Variants in WDR5 observed in about 807,000 individuals in gnomAD.
WDR5 encodes WD repeat domain 5.
For synonymous variants in WDR5, 144 were observed against 161.6 expected, an observed-to-expected ratio of 0.89 and a Z score of 0.83; for missense variants, 187 against 416.9, an observed-to-expected ratio of 0.45 and a Z score of 4.80.
rs1014184749 is a variant in WDR5, at chr9:134,158,587, T to A, written c.*594T>A. The A allele has an allele frequency of 4.6e-5, 7 of 151,686 alleles. No individual in the cohort carries two copies. The highest frequency in any genetic ancestry group is 1.7e-4 in the African/African-American group (7 of 41,336). The allele number at this position is 151,686 out of a possible 1,614,324, so 9.4% of individuals were successfully genotyped here. On this transcript the variant is annotated 3_prime_UTR_variant, in exon 14 of 14. Coordinates refer to ENST00000358625, the MANE Select transcript of WDR5 (RefSeq NM_017588.3). The stretch of plus-strand genomic sequence containing the variant: ...GTGTCTTGGGAGTTTGTGGCCCACA[T>A]GCCGATAGCACGGTCATCGCACATG...
chr9:134,147,747 C>T (rs1455998134), intron 7 of WDR5, among the ~76,000 whole-genome samples: 1 of 152,160 alleles, frequency 6.6e-6, no homozygotes, highest in Non-Finnish European at 1.5e-5. Context: ...TGGCTGGGTG[C>T]AGTGGCTCAT....
At chr9:134,155,886 C>T (rs1832721725) in intron 12 of WDR5, 119 bp downstream of exon 12, 1 of 954,472 alleles carries the variant, frequency 1.0e-6, no homozygotes, top group Non-Finnish European at 1.6e-6. Flanking sequence ...AAATGAATTT[C>T]CATTTCAACC....
At chr9:134,141,468 T>G in intron 3 of WDR5, 42 bp from the exon 4 acceptor site, 15 of 1,601,114 alleles carry the variant, frequency 9.4e-6, no homozygotes, top group Non-Finnish European at 1.3e-5. Context: ...ACTAGACAAT[T>G]GTGTCCTGCT....
chr9:134,147,068 G>C (rs1832247197), intron 7 of WDR5, among the ~76,000 whole-genome samples: 1 of 152,108 alleles, frequency 6.6e-6, no homozygotes, highest in Non-Finnish European at 1.5e-5. Flanking sequence ...CACAAAAAAA[G>C]AAAGTAAAGT....
intron 1 of WDR5, among the ~76,000 whole-genome samples, chr9:134,137,368 G>C (rs1831618358): frequency 6.6e-6 from 1 of 152,134 alleles, no homozygotes; most frequent in African/African-American, 2.4e-5. Flanking sequence ...GTTCCACAGA[G>C]ACACCTGAGT....
At position 134,136,210 on chromosome 9, in the gene WDR5, C is replaced by A. The variant is rs1239730051; in HGVS notation, c.-59+10C>A. 2 of 147,982 alleles carry A rather than the reference C, an allele frequency of 1.4e-5. No individual in the cohort carries two copies. Among genetic ancestry groups the A allele is most frequent in the African/African-American group, 4.9e-5 (2 of 41,016 alleles). 9.2% of individuals were successfully genotyped at this position (147,982 alleles called of 1,614,324 possible). On this transcript the variant is annotated intron_variant, in intron 1 of 13. Transcript: ENST00000358625. ...CGCCGCGGCCCGGCAGGTAAGCGGG[C>A]AGCCGCCCGGCCCGGGGAACACAAG...
Position 134,142,053 on chromosome 9 carries a change from G to A in WDR5, c.354+15G>A. ...ACGTGAGCTCGGTAAGTGACACTCA[G>A]TGCTTCTCTCCAGGGGAGACCGGCT... On this transcript the variant is annotated intron_variant, in intron 5 of 13. Transcript: ENST00000358625. 1 of 1,612,698 alleles carries A rather than the reference G, an allele frequency of 6.2e-7. No homozygotes were observed. Among genetic ancestry groups the A allele is most frequent in the Non-Finnish European group, 8.5e-7 (1 of 1,178,966 alleles).
intron 7 of WDR5, among the ~76,000 whole-genome samples, chr9:134,145,116 T>TG (rs1554726634): frequency 2.9e-4 from 41 of 143,446 alleles, no homozygotes; most frequent in African/African-American, 1.1e-3. Context: ...TTTTTTTTTT[T>TG]GAAACAGAAT....
chr9:134,150,438 TACTG>T (rs1241242387), intron 8 of WDR5, among the ~76,000 whole-genome samples: 2 of 152,194 alleles, frequency 1.3e-5, no homozygotes, highest in African/African-American at 2.4e-5. Context: ...GTTGACCACT[TACTG>T]GTAACTAATA....
chr9:134,154,459 A>T lies in WDR5; in HGVS notation c.632-7A>T. ...CGCCGTGTGTCACCTGTCCGTTTTT[A>T]TTGCAGATGACGACAACCCCCCCGT... On this transcript the variant is annotated splice_polypyrimidine_tract_variant and splice_region_variant and intron_variant, in intron 9 of 13. Coordinates refer to ENST00000358625, the MANE Select transcript of WDR5 (RefSeq NM_017588.3). The T allele has an allele frequency of 6.2e-7, 1 of 1,614,050 alleles. No individual in the cohort carries two copies. Among genetic ancestry groups the T allele is most frequent in the Non-Finnish European group, 8.5e-7 (1 of 1,179,982 alleles).
At chr9:134,140,960 C>A in intron 3 of WDR5, 149 bp downstream of exon 3, 1 of 739,810 alleles carries the variant, frequency 1.4e-6, no homozygotes, top group Non-Finnish European at 2.3e-6. Context: ...GTGTCTCCTC[C>A]TGGAACTGTG....
intron 7 of WDR5, among the ~76,000 whole-genome samples, chr9:134,143,420 A>T (rs1051897134): frequency 3.9e-5 from 6 of 152,154 alleles, no homozygotes; most frequent in Non-Finnish European, 8.8e-5. Flanking sequence ...GCGTGCCTGG[A>T]ATCCCAGCTC....
rs566984012 is a variant in WDR5, at chr9:134,139,779, A to G, written c.-58-41A>G. On this transcript the variant is annotated intron_variant, in intron 1 of 13. Coordinates refer to ENST00000358625, the MANE Select transcript of WDR5 (RefSeq NM_017588.3). Reference sequence around the variant, plus strand: ...CTTGGAAATCAATTTTTTAAAATATAGTTTGTTTCTTGGCTCCCTGTTCTG... The same window carrying G: ...CTTGGAAATCAATTTTTTAAAATATGGTTTGTTTCTTGGCTCCCTGTTCTG... 469 of 1,265,682 alleles carry G rather than the reference A, an allele frequency of 3.7e-4. 7 individuals carry two copies. The South Asian group carries it at 4.1e-3, about 11-fold the overall frequency. The allele number at this position is 1,265,682 out of a possible 1,614,324, so 78.4% of individuals were successfully genotyped here.
intron 7 of WDR5, among the ~76,000 whole-genome samples, chr9:134,147,998 T>A (rs28549758): frequency 1.2e-4 from 18 of 151,698 alleles, no homozygotes; most frequent in African/African-American, 4.1e-4. Context: ...CTCCTAAAAA[T>A]ATATATATAT....
rs1289141247 is a variant in WDR5 at position 134,157,458 on chromosome 9, G to T, written c.905-435G>T. Reference sequence around the variant, plus strand: ...TTAGCATTGGGGGGAGGCGGTGGGAGTGGGCGGCTCAGGGTCCGAGGAGAA... The same window carrying T: ...TTAGCATTGGGGGGAGGCGGTGGGATTGGGCGGCTCAGGGTCCGAGGAGAA... On this transcript the variant is annotated intron_variant, in intron 13 of 13. Coordinates refer to ENST00000358625, the MANE Select transcript of WDR5 (RefSeq NM_017588.3). The surrounding 1 kb of genome is among the most constrained non-coding windows in gnomAD (Gnocchi z 5.0). Among the ~76,000 whole-genome samples the T allele has an allele frequency of 6.6e-6, 1 of 152,142 alleles. No individual in the cohort carries two copies. Among genetic ancestry groups the T allele is most frequent in the African/African-American group, 2.4e-5 (1 of 41,434 alleles).
chr9:134,149,104 C>T (rs1282154801), intron 8 of WDR5, among the ~76,000 whole-genome samples: 1 of 152,204 alleles, frequency 6.6e-6, no homozygotes, highest in Non-Finnish European at 1.5e-5. Context: ...TGGACACGCA[C>T]ACTCGAAATC....
chr9:134,156,723 TGA>T, intron 13 of WDR5, 130 bp downstream of exon 13: 1 of 839,020 alleles, frequency 1.2e-6, no homozygotes, highest in Admixed American at 2.3e-5. Context: ...CTGGCCCCGC[TGA>T]GGAACCGCTG....
chr9:134,155,190 C>A, intron 10 of WDR5, 150 bp from the exon 11 acceptor site: 1 of 852,368 alleles, frequency 1.2e-6, no homozygotes, highest in Non-Finnish European at 1.7e-6. Flanking sequence ...GCCTGAGGGG[C>A]TCCTTACCCT....
Position 134,140,754 on chromosome 9 carries a change from A to G in WDR5, c.133A>G (p.Thr45Ala), listed in dbSNP as rs1274487021. 6.2e-7 allele frequency: 1 copy of G among 1,614,218 alleles called. No homozygotes were observed. The highest frequency in any genetic ancestry group is 8.5e-7 in the Non-Finnish European group (1 of 1,180,042). Residue 45 changes from threonine (T) to alanine (A), a missense_variant, in exon 3 of 14, where the codon ACC becomes GCC. Coordinates refer to ENST00000358625, the MANE Select transcript of WDR5 (RefSeq NM_017588.3). ...TCTAAAGTTCACCCTTGCTGGCCACACCAAAGCAGTGTCCTCCGTGAAATT... is the reference window on the plus strand; with the variant it reads ...TCTAAAGTTCACCCTTGCTGGCCACGCCAAAGCAGTGTCCTCCGTGAAATT... ...YALKFTLAGH[T>A]KAVSSVKFSP...
Sources: gnomAD v4.1 joint callset for allele counts (sites outside exome capture counted in the v4.1 genomes callset) on GRCh38, gnomAD v4.1.1 for gene constraint, Gnocchi (gnomAD v3.1) non-coding constraint, MANE v1.5 for transcripts, NCBI Gene and HGNC (gene_info 2026-07-23, HGNC 2026-07-21) for gene names.